Variants in WDR19 observed in about 807,000 individuals in gnomAD.
The protein encoded by WDR19 is WD repeat-containing protein 19.
Under a neutral mutation model 180.0 loss-of-function variants are expected in WDR19, and 121 were observed. That is an observed-to-expected ratio of 0.67 (90% CI 0.58 to 0.78). The LOEUF (loss-of-function observed/expected upper bound fraction) is 0.78. WDR19 is among the 30% of genes least tolerant of loss of function. The probability of loss-of-function intolerance (pLI) is 0.00; values close to 1 mark genes in which losing one functional copy is unlikely to be tolerated. For missense variants in WDR19, 1,450 were observed against 1,640.7 expected (o/e 0.88, Z 2.01); for synonymous variants, 497 against 540.7 (o/e 0.92, Z 1.12).
intron 24 of WDR19, among the ~76,000 whole-genome samples, chr4:39,250,985 C>A (rs1185309724): frequency 6.6e-6 from 1 of 152,184 alleles, no homozygotes; most frequent in Non-Finnish European, 1.5e-5. Context: ...CAATGACTTT[C>A]TTCACAGACT....
intron 36 of WDR19, among the ~76,000 whole-genome samples, chr4:39,284,876 T>C (rs968339178): frequency 6.6e-6 from 1 of 152,144 alleles, no homozygotes; most frequent in Non-Finnish European, 1.5e-5. Context: ...GTTATGATTA[T>C]GCACTATCCT....
At chr4:39,282,143 A>C (rs1470349240) in intron 36 of WDR19, among the ~76,000 whole-genome samples, 1 of 152,178 alleles carries the variant, frequency 6.6e-6, no homozygotes, top group Non-Finnish European at 1.5e-5. Context: ...CATATAATTA[A>C]ATCTAATATG....
Position 39,253,290 on chromosome 4 carries a change from C to G in WDR19, c.2874C>G (p.Ala958=). 4 of 1,610,196 alleles carry G rather than the reference C, an allele frequency of 2.5e-6. No individual in the cohort carries two copies. The highest frequency in any genetic ancestry group is 3.4e-6 in the Non-Finnish European group (4 of 1,178,820). The part of the protein sequence containing the change: ...TQSLDGAKMV[A]RFFLQLGDYG... ...CTCTGGATGGAGCCAAAATGGTAGCCAGGTAACATAATACATTAATATTTT... is the reference window on the plus strand; with the variant it reads ...CTCTGGATGGAGCCAAAATGGTAGCGAGGTAACATAATACATTAATATTTT... Residue 958 remains alanine (A), a splice_region_variant and synonymous_variant, in exon 25 of 37, where the codon GCC becomes GCG. Transcript: ENST00000399820.
intron 24 of WDR19, among the ~76,000 whole-genome samples, chr4:39,248,398 A>C (rs902683530): frequency 2.6e-5 from 4 of 152,222 alleles, no homozygotes; most frequent in African/African-American, 4.8e-5. Flanking sequence ...CTGCAAAAAC[A>C]TGCCAAATTG....
intron 2 of WDR19, 82 bp downstream of exon 2, chr4:39,185,899 GT>G (rs139814512): frequency 1.3e-6 from 1 of 797,296 alleles, no homozygotes; most frequent in South Asian, 2.6e-5. Context: ...TTTTTTTGTT[GT>G]TGTTTTTTTT....
intron 33 of WDR19, 135 bp from the exon 34 acceptor site, chr4:39,276,885 T>C: frequency 9.2e-7 from 1 of 1,092,212 alleles, no homozygotes; most frequent in Non-Finnish European, 1.3e-6. Context: ...AGCTTGTAAG[T>C]ATCTCTCTAA....
At chr4:39,281,236 T>TATATATATATATAGAGAGAGAGAGAG (rs762298152) in intron 36 of WDR19, among the ~76,000 whole-genome samples, 3 of 104,034 alleles carry the variant, frequency 2.9e-5, no homozygotes, top group African/African-American at 1.0e-4. Flanking sequence ...TATATATATA[T>TATATATATATATAGAGAGAGAGAGAG]AGAGAGAGAG....
At chr4:39,235,938 G>A (rs149072791) in intron 20 of WDR19, among the ~76,000 whole-genome samples, 1,824 of 152,072 alleles carry the variant, frequency 0.012, 16 homozygotes, top group Non-Finnish European at 0.017. Flanking sequence ...ATGAAATACC[G>A]TCTTATACCA....
At chr4:39,213,344 T>C (rs1728731639) in intron 9 of WDR19, among the ~76,000 whole-genome samples, 1 of 152,184 alleles carries the variant, frequency 6.6e-6, no homozygotes, top group Non-Finnish European at 1.5e-5. Flanking sequence ...CAGATGTCCT[T>C]CAGTGGGTGA....
chr4:39,218,172 T>G, intron 14 of WDR19, 67 bp downstream of exon 14: 4 of 1,535,922 alleles, frequency 2.6e-6, no homozygotes, highest in Non-Finnish European at 3.5e-6. Context: ...ATCTCAGTCA[T>G]TCTCTTTTCC....
intron 15 of WDR19, 23 bp from the exon 16 acceptor site, chr4:39,228,187 A>G (rs755623443): frequency 3.7e-6 from 6 of 1,609,636 alleles, no homozygotes; most frequent in Admixed American, 1.7e-5. Context: ...ACTTGGGGCA[A>G]ATCTGTAAAT....
At chr4:39,251,350 A>G (rs1382671468) in intron 24 of WDR19, among the ~76,000 whole-genome samples, 3 of 152,358 alleles carry the variant, frequency 2.0e-5, no homozygotes, top group Admixed American at 1.3e-4. Flanking sequence ...CACCTTATAC[A>G]AAAATTAATT....
intron 14 of WDR19, among the ~76,000 whole-genome samples, chr4:39,221,586 T>C (rs1431214427): frequency 6.6e-6 from 1 of 152,198 alleles, no homozygotes; most frequent in East Asian, 1.9e-4. Flanking sequence ...CAAGGCAGGC[T>C]GATTGCCTGA....
chr4:39,203,828 A>G, intron 7 of WDR19, 106 bp downstream of exon 7: 2 of 1,105,852 alleles, frequency 1.8e-6, no homozygotes, highest in African/African-American at 3.1e-5. Flanking sequence ...AATTAGGTCC[A>G]TTGACTGTAT....
rs554267448 is a variant in WDR19, at chr4:39,270,032, C to G, written c.3415C>G (p.Gln1139Glu). ...CAGTATGTATGCAGAACTGAAATCC[C>G]AGAAGATCAAAATTCCCTCCGAGAT... ...LFSMYAELKS[Q>E]KIKIPSEMAT... is the part of the protein sequence containing the mutation. Residue 1139 changes from glutamine to glutamate, a missense_variant, in exon 31 of 37, where the codon CAG becomes GAG. Physicochemically the swap from Gln to Glu is conservative, Grantham distance 29. Transcript: ENST00000399820. The G allele has an allele frequency of 1.9e-6, 3 of 1,613,808 alleles. No homozygotes were observed. Among genetic ancestry groups the G allele is most frequent in the East Asian group, 4.5e-5 (2 of 44,876 alleles).
chr4:39,273,279 G>A, intron 32 of WDR19: 1 of 505,108 alleles, frequency 2.0e-6, no homozygotes, highest in Non-Finnish European at 3.4e-6. Context: ...CCAAAGCCGA[G>A]ATTTATCACA....
chr4:39,194,254 A>G (rs1159654561), intron 4 of WDR19, among the ~76,000 whole-genome samples: 1 of 152,248 alleles, frequency 6.6e-6, no homozygotes, highest in Non-Finnish European at 1.5e-5. Context: ...TCATTAATAG[A>G]CAAATTAATA....
rs754376937 is a variant in WDR19, at chr4:39,205,695, A to G, written c.849A>G (p.Val283=). The G allele has an allele frequency of 1.2e-6, 2 of 1,610,232 alleles. No homozygotes were observed. The highest frequency in any genetic ancestry group is 3.4e-5 in the Admixed American group (2 of 59,450). ...NHKDNLTSIA[V]SQTLNKVATC... Reference sequence around the variant, plus strand: ...AAGATAATCTAACCAGCATTGCAGTATCACAGACTCTTAACAAAGTTGCTA... The same window carrying G: ...AAGATAATCTAACCAGCATTGCAGTGTCACAGACTCTTAACAAAGTTGCTA... Residue 283 remains valine, a synonymous_variant, in exon 9 of 37, where the codon GTA becomes GTG. Transcript: ENST00000399820.
chr4:39,245,819 C>T (rs1732460459), intron 24 of WDR19, among the ~76,000 whole-genome samples: 1 of 152,228 alleles, frequency 6.6e-6, no homozygotes, highest in African/African-American at 2.4e-5. Context: ...TCCACACATA[C>T]AGCTGCTTGC....
Sources: gnomAD v4.1 joint callset for allele counts (sites outside exome capture counted in the v4.1 genomes callset) on GRCh38, gnomAD v4.1.1 for gene constraint, MANE v1.5 for transcripts, NCBI Gene and HGNC (gene_info 2026-07-23, HGNC 2026-07-21) for gene names.